The following GALK2 variants were observed in gnomAD, a reference collection of about 807,000 sequenced individuals.
The protein encoded by GALK2 is N-acetylgalactosamine kinase.
In GALK2, 36 loss-of-function variants were observed where a neutral mutation model predicts 52.4. That is an observed-to-expected ratio of 0.69 (90% CI 0.53 to 0.91). GALK2 has a LOEUF of 0.91. Ranked by LOEUF, GALK2 falls within the 40% of genes least tolerant of loss-of-function variation. GALK2 has a pLI of 0.00. For missense variants in GALK2, 579 were observed against 559.1 expected (o/e 1.04, Z -0.36); for synonymous variants, 176 against 199.1 (o/e 0.88, Z 0.98).
rs1258968398 is a variant in GALK2, at chr15:49,269,262, A to G, written c.505-12725A>G. Among the ~76,000 whole-genome samples, 5 of 152,190 alleles carry G rather than the reference A, an allele frequency of 3.3e-5. No homozygotes were observed. The East Asian group carries it at 7.7e-4, about 23-fold the overall frequency. ...AATATATATTTAAAAAGTGCTGTAC[A>G]AGAGATCAAATGAATCTGCCCCTGA... On this transcript the variant is annotated intron_variant, in intron 5 of 9. Transcript: ENST00000560031.
At chr15:49,195,041 A>G (rs776721358) in intron 1 of GALK2, 1 of 448,766 alleles carries the variant, frequency 2.2e-6, no homozygotes, top group African/African-American at 2.0e-5. Context: ...TCTTATCCAA[A>G]ACAGGGATAT....
chr15:49,239,433 A>C, intron 5 of GALK2, 66 bp downstream of exon 5: 3 of 1,443,038 alleles, frequency 2.1e-6, no homozygotes, highest in Non-Finnish European at 1.9e-6. Context: ...CCAAATCTCA[A>C]ATCAGAATGC....
At chr15:49,359,154 T>A (rs1224898228) in intron 3 of GALK2, among the ~76,000 whole-genome samples, 2 of 150,124 alleles carry the variant, frequency 1.3e-5, no homozygotes, top group East Asian at 3.9e-4. Context: ...AACCTAGGCA[T>A]TACCATTCAG....
chr15:49,184,034 T>C (rs1263109834), intron 1 of GALK2, among the ~76,000 whole-genome samples: 2 of 152,198 alleles, frequency 1.3e-5, no homozygotes, highest in Non-Finnish European at 2.9e-5. Flanking sequence ...ATTTTCTGTC[T>C]GGATGATCTG....
At chr15:49,218,436 G>A (rs975504680) in intron 3 of GALK2, among the ~76,000 whole-genome samples, 2 of 152,036 alleles carry the variant, frequency 1.3e-5, no homozygotes, top group African/African-American at 2.4e-5. Context: ...TTTCAGTTTC[G>A]TTTTTCACAA....
At chr15:49,272,132 C>G (rs78059454) in intron 5 of GALK2, among the ~76,000 whole-genome samples, 2,613 of 152,186 alleles carry the variant, frequency 0.017, 93 homozygotes, top group African/African-American at 0.06. Flanking sequence ...TGAGCCAGGC[C>G]TTTCTGGCTT....
At chr15:49,239,501 T>A in intron 5 of GALK2, 134 bp downstream of exon 5, 1 of 762,948 alleles carries the variant, frequency 1.3e-6, no homozygotes, top group Non-Finnish European at 2.1e-6. Flanking sequence ...GCAAGCATTG[T>A]AACTTAACAA....
chr15:49,156,040 C>T (rs762915896), intron 1 of GALK2: 4 of 1,613,528 alleles, frequency 2.5e-6, no homozygotes, highest in South Asian at 1.1e-5. Flanking sequence ...TATCATTGTA[C>T]GTGTGCATTT....
chr15:49,366,774 G>C (rs867202793), intron 3 of GALK2: 8 of 638,526 alleles, frequency 1.3e-5, no homozygotes, highest in Non-Finnish European at 2.1e-5. Flanking sequence ...CTCCGTGGCG[G>C]GGGCGGCCGG....
chr15:49,232,586 G>A (rs148090057), intron 3 of GALK2, among the ~76,000 whole-genome samples: 5 of 152,162 alleles, frequency 3.3e-5, no homozygotes, highest in East Asian at 1.9e-4. Flanking sequence ...TTTCAAACTC[G>A]TACACTTTGC....
At chr15:49,230,540 GT>G (rs1566959984) in intron 3 of GALK2, among the ~76,000 whole-genome samples, 1 of 151,966 alleles carries the variant, frequency 6.6e-6, no homozygotes, top group Non-Finnish European at 1.5e-5. Context: ...TTGTCAACTT[GT>G]TATTTTGGTT....
At chr15:49,311,882 C>T (rs906178498) in intron 8 of GALK2, among the ~76,000 whole-genome samples, 5 of 152,162 alleles carry the variant, frequency 3.3e-5, no homozygotes, top group African/African-American at 1.2e-4. Flanking sequence ...GGGTCAATGC[C>T]CCAGGCTTCC....
downstream of GALK2, among the ~76,000 whole-genome samples, chr15:49,335,904 G>A (rs1198893716): frequency 6.6e-6 from 1 of 152,130 alleles, no homozygotes. Flanking sequence ...CCAGGCTGGA[G>A]TGTGGTAACA....
At chr15:49,338,666 TTGGCCTGCCTTGC>T (rs200924420) in intron 3 of GALK2, among the ~76,000 whole-genome samples, 25,867 of 152,120 alleles carry the variant, frequency 0.17, 2,437 homozygotes, top group Non-Finnish European at 0.21. Flanking sequence ...AATTTGAATG[TTGGCCTGCCTTGC>T]TAGGTTGGGG....
chr15:49,349,299 T>G lies in GALK2; in HGVS notation c.427-18192T>G, dbSNP rs369419412. Among the ~76,000 whole-genome samples, 50 of 152,302 alleles carry G rather than the reference T, an allele frequency of 3.3e-4. 1 individual carries two copies. In the East Asian group the frequency reaches 5.8e-3, roughly 18 times the overall value. ...TTTGTTCATCAAGTTCTTATAAAAA[T>G]TATTAATTTCATTTTCATTTTAAAA... is the stretch of plus-strand genomic sequence containing the variant. On this transcript the variant is annotated intron_variant, in intron 3 of 3. Transcript: ENST00000558399.
Position 49,352,135 on chromosome 15 carries a change from C to A in GALK2, c.427-15356C>A, listed in dbSNP as rs7178832. Among the ~76,000 whole-genome samples, 158 of 152,280 alleles carry A rather than the reference C, an allele frequency of 1.0e-3. 1 individual carries two copies. The highest frequency in any genetic ancestry group is 3.8e-3 in the African/African-American group (157 of 41,550). ...CTGTGACTGCTAACTGGAACACAGA[C>A]TCTCCATATGGTCTGAACTTGTTAC... is the stretch of plus-strand genomic sequence containing the variant. On this transcript the variant is annotated intron_variant, in intron 3 of 3. Transcript: ENST00000558399.
At chr15:49,197,600 T>C (rs2087350093) in intron 1 of GALK2, among the ~76,000 whole-genome samples, 1 of 152,194 alleles carries the variant, frequency 6.6e-6, no homozygotes, top group Non-Finnish European at 1.5e-5. Context: ...TAAATAATTT[T>C]ATTTATGAAA....
At chr15:49,282,145 G>A in intron 6 of GALK2, 60 bp downstream of exon 6, 1 of 1,248,570 alleles carries the variant, frequency 8.0e-7, no homozygotes. Context: ...TTTACATGGA[G>A]AAGAAGGCCC....
rs1163474965 is a variant in GALK2 at position 49,328,761 on chromosome 15, C to G, written c.*602C>G. The G allele has an allele frequency of 5.6e-6, 8 of 1,435,406 alleles. No homozygotes were observed. Among genetic ancestry groups the G allele is most frequent in the African/African-American group, 1.6e-5 (1 of 62,120 alleles). 88.9% of individuals were successfully genotyped at this position (1,435,406 alleles called of 1,614,324 possible). A position where few individuals can be genotyped will look rare whatever the true frequency, so the allele number is the denominator to read the frequency against. On this transcript the variant is annotated 3_prime_UTR_variant, in exon 10 of 10. Transcript: ENST00000560031. ...TTGAATGTGAGATTTCTCCAGTTAT[C>G]AAGAGACTAAGGATTTTTTTTTTTT... is the stretch of plus-strand genomic sequence containing the variant.
Sources: gnomAD v4.1 joint callset for allele counts (sites outside exome capture counted in the v4.1 genomes callset) on GRCh38, gnomAD v4.1.1 for gene constraint, MANE v1.5 for transcripts, NCBI Gene and HGNC (gene_info 2026-07-23, HGNC 2026-07-21) for gene names.